Variants in CNTN4 observed in about 807,000 individuals in gnomAD.
CNTN4 encodes the protein contactin 4, also known as contactin-4.
Under a neutral mutation model 122.5 loss-of-function variants are expected in CNTN4, and 77 were observed. That is an observed-to-expected ratio of 0.63 (90% CI 0.52 to 0.76). The LOEUF (loss-of-function observed/expected upper bound fraction) is 0.76, where lower values mean the gene tolerates loss of function less well. CNTN4 is among the 30% of genes least tolerant of loss of function. The probability of loss-of-function intolerance (pLI) is 0.00; values close to 1 mark genes in which losing one functional copy is unlikely to be tolerated. For synonymous variants in CNTN4, 512 were observed against 447.0 expected (o/e 1.15, Z -1.83); for missense variants, 1,256 against 1,259.1 (o/e 1.00, Z 0.04).
intron 4 of CNTN4, among the ~76,000 whole-genome samples, chr3:2,652,791 G>A (rs574754156): frequency 6.6e-6 from 1 of 152,126 alleles, no homozygotes; most frequent in African/African-American, 2.4e-5. Context: ...GTAGACGTGT[G>A]GTCGCTTATC....
chr3:2,369,415 G>C (rs2150636886), intron 3 of CNTN4, among the ~76,000 whole-genome samples: 1 of 152,288 alleles, frequency 6.6e-6, no homozygotes, highest in East Asian at 1.9e-4. Context: ...TTATTTTGCA[G>C]TCTGTATTAT....
At chr3:2,435,651 A>G (rs954449448) in intron 3 of CNTN4, among the ~76,000 whole-genome samples, 1 of 152,132 alleles carries the variant, frequency 6.6e-6, no homozygotes, top group African/African-American at 2.4e-5. Context: ...AAAAATGCTA[A>G]TGCTGTTCTG....
intron 4 of CNTN4, among the ~76,000 whole-genome samples, chr3:2,675,112 G>A (rs2600275): frequency 0.26 from 39,463 of 151,760 alleles, 6,284 homozygotes; most frequent in African/African-American, 0.45. Context: ...TGGAGAGACA[G>A]TCTTACCACA....
At chr3:2,678,224 C>G (rs1021919152) in intron 4 of CNTN4, among the ~76,000 whole-genome samples, 1 of 152,048 alleles carries the variant, frequency 6.6e-6, no homozygotes, top group Non-Finnish European at 1.5e-5. Flanking sequence ...AATTGTTAAA[C>G]TACTTTCTAT....
chr3:3,016,285 A>C (rs1024044310), intron 14 of CNTN4, among the ~76,000 whole-genome samples: 2 of 152,180 alleles, frequency 1.3e-5, no homozygotes, highest in Admixed American at 6.6e-5. Context: ...TCAAAAAGAA[A>C]ATGTGAGAGG....
chr3:2,678,475 G>T (rs999125774), intron 4 of CNTN4, among the ~76,000 whole-genome samples: 4 of 152,040 alleles, frequency 2.6e-5, no homozygotes, highest in Non-Finnish European at 5.9e-5. Flanking sequence ...TCCCCTTTTA[G>T]TTATCTTTGT....
intron 3 of CNTN4, among the ~76,000 whole-genome samples, chr3:2,368,035 T>C (rs1472648759): frequency 5.5e-5 from 8 of 145,958 alleles, no homozygotes; most frequent in Admixed American, 2.7e-4. Flanking sequence ...ACTTCTTTTT[T>C]TTTTTTTTTT....
chr3:2,321,864 AC>A (rs2043287310), intron 2 of CNTN4, among the ~76,000 whole-genome samples: 1 of 151,848 alleles, frequency 6.6e-6, no homozygotes, highest in South Asian at 2.1e-4. Flanking sequence ...TTTTTACTTA[AC>A]CTTTGGTAAG....
At chr3:2,153,911 A>G (rs1196072394) in intron 2 of CNTN4, among the ~76,000 whole-genome samples, 1 of 152,184 alleles carries the variant, frequency 6.6e-6, no homozygotes, top group Non-Finnish European at 1.5e-5. Context: ...AGGAACTTAA[A>G]AAAGTGTTTG....
intron 6 of CNTN4, among the ~76,000 whole-genome samples, chr3:2,815,782 A>G (rs1050419794): frequency 3.3e-5 from 5 of 152,066 alleles, no homozygotes; most frequent in African/African-American, 7.3e-5. Context: ...ATACTTGCAC[A>G]TGCATGTTTA....
At chr3:2,354,187 C>T (rs965501479) in intron 3 of CNTN4, among the ~76,000 whole-genome samples, 2 of 152,196 alleles carry the variant, frequency 1.3e-5, no homozygotes, top group Admixed American at 6.5e-5. Context: ...TCTATCTTGA[C>T]TCCAGGGTCA....
intron 2 of CNTN4, among the ~76,000 whole-genome samples, chr3:2,181,728 C>T (rs895412312): frequency 6.6e-6 from 1 of 152,094 alleles, no homozygotes; most frequent in African/African-American, 2.4e-5. Context: ...ACCATATTGT[C>T]CTTTTAACTG....
chr3:2,469,530 G>T (rs183879944), intron 3 of CNTN4, among the ~76,000 whole-genome samples: 286 of 152,190 alleles, frequency 1.9e-3, no homozygotes, highest in Middle Eastern at 6.8e-3. Flanking sequence ...GGAAAAATGC[G>T]CCAGATTTTC....
At chr3:2,345,768 A>C (rs1185577703) in intron 3 of CNTN4, among the ~76,000 whole-genome samples, 1 of 152,208 alleles carries the variant, frequency 6.6e-6, no homozygotes. Context: ...ATAGTTCCGC[A>C]CCACAACTAA....
intron 16 of CNTN4, among the ~76,000 whole-genome samples, chr3:3,032,000 T>C (rs1039254): frequency 0.6 from 91,748 of 151,984 alleles, 28,092 homozygotes; most frequent in Middle Eastern, 0.7. Flanking sequence ...AGGCATAATG[T>C]AAGGGGGGAA....
chr3:2,779,330 G>A (rs550576315), intron 6 of CNTN4, among the ~76,000 whole-genome samples: 30 of 152,002 alleles, frequency 2.0e-4, no homozygotes, highest in Admixed American at 2.0e-3. Flanking sequence ...GCAATGGTGC[G>A]ATCTCGGCTC....
At chr3:2,523,396 A>G (rs972418941) in intron 3 of CNTN4, among the ~76,000 whole-genome samples, 73 of 151,524 alleles carry the variant, frequency 4.8e-4, no homozygotes, top group Non-Finnish European at 2.9e-4. Context: ...TATTTGTGAC[A>G]TGATGACAGC....
At chr3:2,473,092 G>C (rs565039040) in intron 3 of CNTN4, among the ~76,000 whole-genome samples, 6 of 151,970 alleles carry the variant, frequency 3.9e-5, no homozygotes, top group Non-Finnish European at 7.4e-5. Context: ...TTAGCTGGGC[G>C]TGGTGGTGGA....
At chr3:2,916,190 TC>T (rs1249297492) in intron 12 of CNTN4, among the ~76,000 whole-genome samples, 1 of 152,248 alleles carries the variant, frequency 6.6e-6, no homozygotes, top group Non-Finnish European at 1.5e-5. Context: ...ACTTTTTTTT[TC>T]TTTTTCTTTT....
Sources: allele counts gnomAD v4.1 joint callset (sites outside exome capture counted in the v4.1 genomes callset), GRCh38; gene constraint gnomAD v4.1.1; transcripts MANE v1.5; gene names NCBI Gene and HGNC (gene_info 2026-07-23, HGNC 2026-07-21).